The following GRHL2 variants were observed in gnomAD, a reference collection of about 807,000 sequenced individuals.
GRHL2 encodes the protein grainyhead-like protein 2 homolog.
A neutral mutation model predicts 83.8 loss-of-function variants in GRHL2; 21 were observed. The ratio of observed to expected loss-of-function variants is 0.25; its 90% CI spans 0.18 to 0.36. GRHL2 has a LOEUF of 0.36. GRHL2 is among the 10% of genes least tolerant of loss of function. The pLI is 1.00. For synonymous variants in GRHL2, 280 were observed against 278.9 expected, an observed-to-expected ratio of 1.00 and a Z score of -0.04; for missense variants, 623 against 781.8, an observed-to-expected ratio of 0.80 and a Z score of 2.42.
the GRHL2 span, among the ~76,000 whole-genome samples, chr8:101,679,301 A>G: frequency 6.1e-4 from 91 of 149,614 alleles, no homozygotes; most frequent in East Asian, 9.1e-3. Context: ...GAGCCAATGC[A>G]ATCAACTGGA....
intron 6 of GRHL2, 97 bp downstream of exon 6, chr8:101,573,921 C>G (rs557286842): frequency 4.4e-5 from 59 of 1,341,714 alleles, no homozygotes; most frequent in African/African-American, 3.7e-4. Flanking sequence ...AAAATAAAAC[C>G]TTCAACATAA....
At chr8:101,641,711 T>C (rs1314713569) in intron 12 of GRHL2, among the ~76,000 whole-genome samples, 1 of 152,212 alleles carries the variant, frequency 6.6e-6, no homozygotes, top group Non-Finnish European at 1.5e-5. Flanking sequence ...TGGAAATTGA[T>C]GTCAGAGAAA....
chr8:101,559,351 T>TGCAAAAAAAAAAAAAAAAAAAAA (rs1285229771), intron 4 of GRHL2, among the ~76,000 whole-genome samples: 7 of 19,228 alleles, frequency 3.6e-4, no homozygotes, highest in East Asian at 1.6e-3. Flanking sequence ...CTACTAAAAA[T>TGCAAAAAAAAAAAAAAAAAAAAA]ACAAAAAAAA....
chr8:101,613,948 A>G (rs1228292591), intron 8 of GRHL2, among the ~76,000 whole-genome samples: 2 of 151,110 alleles, frequency 1.3e-5, no homozygotes, highest in Non-Finnish European at 2.9e-5. Flanking sequence ...AAAGAGGAAA[A>G]TAAATACATT....
chr8:101,677,863 G>T, the GRHL2 span, among the ~76,000 whole-genome samples: 36,109 of 151,882 alleles, frequency 0.24, 4,537 homozygotes, highest in South Asian at 0.29. Context: ...TCACTGTAGA[G>T]AACCCTGCTT....
rs118155626 is a variant in GRHL2 at position 101,519,321 on chromosome 8, G to T, written c.21-23920G>T. Among the ~76,000 whole-genome samples, 3 of 151,990 alleles carry T rather than the reference G, an allele frequency of 2.0e-5. No individual in the cohort carries two copies. The East Asian group carries it at 5.8e-4, about 29-fold the overall frequency. On this transcript the variant is annotated intron_variant, in intron 1 of 15. Transcript: ENST00000646743. Reference sequence around the variant, plus strand: ...TTACAGCTGTGAGCCACTGTACTTGGCCCTTCATTGATTCTTCTACTGTTT... The same window carrying T: ...TTACAGCTGTGAGCCACTGTACTTGTCCCTTCATTGATTCTTCTACTGTTT...
At chr8:101,602,598 T>C (rs1017543978) in intron 8 of GRHL2, among the ~76,000 whole-genome samples, 3 of 152,214 alleles carry the variant, frequency 2.0e-5, no homozygotes, top group African/African-American at 7.2e-5. Flanking sequence ...CAGAAGATTA[T>C]TATTTTTAAA....
intron 1 of GRHL2, among the ~76,000 whole-genome samples, chr8:101,496,147 C>CAAAA (rs34918770): frequency 3.7e-4 from 42 of 113,124 alleles, no homozygotes; most frequent in Admixed American, 1.4e-3. Context: ...GACTCCATCT[C>CAAAA]AAAAAAAAAA....
At chr8:101,642,255 G>A (rs1341088740) in intron 12 of GRHL2, among the ~76,000 whole-genome samples, 21 of 152,288 alleles carry the variant, frequency 1.4e-4, no homozygotes, top group Admixed American at 1.4e-3. Context: ...GTGTGAAAAA[G>A]TATTTTTGAA....
At chr8:101,615,008 A>G (rs1441570486) in intron 8 of GRHL2, among the ~76,000 whole-genome samples, 2 of 152,292 alleles carry the variant, frequency 1.3e-5, no homozygotes, top group South Asian at 2.1e-4. Context: ...GTAGCAGAAA[A>G]GGCAGATTCT....
At chr8:101,626,678 A>G (rs1288275447) in intron 9 of GRHL2, among the ~76,000 whole-genome samples, 1 of 152,134 alleles carries the variant, frequency 6.6e-6, no homozygotes, top group African/African-American at 2.4e-5. Context: ...TTAACACTCT[A>G]TAGTGAACAT....
At chr8:101,562,418 T>C (rs757426111) in intron 4 of GRHL2, 4 of 567,592 alleles carry the variant, frequency 7.0e-6, no homozygotes, top group Non-Finnish European at 6.0e-6. Context: ...CTTGCAATTA[T>C]TGTGGACAAA....
intron 1 of GRHL2, among the ~76,000 whole-genome samples, chr8:101,515,251 C>T (rs2130024030): frequency 6.6e-6 from 1 of 151,174 alleles, no homozygotes; most frequent in South Asian, 2.1e-4. Flanking sequence ...CATCACTTTT[C>T]CTACTTCATC....
intron 1 of GRHL2, among the ~76,000 whole-genome samples, chr8:101,496,683 G>T (rs1001980626): frequency 6.6e-6 from 1 of 152,140 alleles, no homozygotes; most frequent in Non-Finnish European, 1.5e-5. Flanking sequence ...CCAGCTGGAG[G>T]GATTGAGAAT....
chr8:101,586,007 C>T (rs995780746), intron 7 of GRHL2, among the ~76,000 whole-genome samples: 4 of 151,902 alleles, frequency 2.6e-5, no homozygotes, highest in African/African-American at 9.7e-5. Flanking sequence ...TCCCTGATCC[C>T]TGCAGACTCT....
At chr8:101,642,943 A>G (rs1411930916) in intron 12 of GRHL2, among the ~76,000 whole-genome samples, 1 of 152,208 alleles carries the variant, frequency 6.6e-6, no homozygotes, top group East Asian at 1.9e-4. Flanking sequence ...ACTGAGGCCC[A>G]AGACAGTTGA....
intron 1 of GRHL2, among the ~76,000 whole-genome samples, chr8:101,500,334 A>G (rs1216362524): frequency 6.6e-6 from 1 of 152,014 alleles, no homozygotes; most frequent in Non-Finnish European, 1.5e-5. Context: ...TAGGCCTCCA[A>G]ATTTCAGATT....
chr8:101,536,624 CT>C (rs773769981), intron 1 of GRHL2, among the ~76,000 whole-genome samples: 2 of 152,170 alleles, frequency 1.3e-5, no homozygotes, highest in Non-Finnish European at 2.9e-5. Context: ...GGCAGTCTGG[CT>C]TCAGAGTCTG....
At chr8:101,624,732 G>A (rs1813048393) in intron 9 of GRHL2, among the ~76,000 whole-genome samples, 1 of 152,128 alleles carries the variant, frequency 6.6e-6, no homozygotes, top group Non-Finnish European at 1.5e-5. Context: ...CAGTAGAGAA[G>A]TTTCCATGAC....
Sources: gnomAD v4.1 joint callset for allele counts (sites outside exome capture counted in the v4.1 genomes callset) on GRCh38, gnomAD v4.1.1 for gene constraint, MANE v1.5 for transcripts, NCBI Gene and HGNC (gene_info 2026-07-23, HGNC 2026-07-21) for gene names.